Variants in BCHE observed in about 807,000 individuals in gnomAD.
The protein encoded by BCHE is butyrylcholinesterase.
Under a neutral mutation model 51.3 loss-of-function variants are expected in BCHE, and 48 were observed. The ratio of observed to expected loss-of-function variants is 0.94; its 90% CI spans 0.74 to 1.19. The LOEUF (loss-of-function observed/expected upper bound fraction) is 1.19, where lower values mean the gene tolerates loss of function less well. Among genes scored for constraint, BCHE ranks in the 50% most tolerant of loss-of-function variants. The probability of loss-of-function intolerance (pLI) is 0.00; values close to 1 mark genes in which losing one functional copy is unlikely to be tolerated. For synonymous variants in BCHE, 251 were observed against 238.0 expected, an observed-to-expected ratio of 1.05 and a Z score of -0.50; for missense variants, 847 against 708.2, an observed-to-expected ratio of 1.20 and a Z score of -2.23.
intron 2 of BCHE, among the ~76,000 whole-genome samples, chr3:165,795,014 G>C (rs555073283): frequency 1.3e-5 from 2 of 152,024 alleles, no homozygotes; most frequent in South Asian, 4.1e-4. Context: ...TGAAAAAAAT[G>C]GTTTTTGCAG....
At chr3:165,776,698 G>A (rs1213586777) in intron 3 of BCHE, among the ~76,000 whole-genome samples, 1 of 151,556 alleles carries the variant, frequency 6.6e-6, no homozygotes, top group Admixed American at 6.6e-5. Flanking sequence ...AACATTTTGT[G>A]TTTTGGACAC....
intron 2 of BCHE, among the ~76,000 whole-genome samples, chr3:165,821,587 A>G (rs147317075): frequency 1.9e-3 from 287 of 152,078 alleles, no homozygotes; most frequent in African/African-American, 6.7e-3. Flanking sequence ...TACATTAAAA[A>G]CATTAGAGAA....
intron 3 of BCHE, chr3:165,778,882 C>A: frequency 5.5e-6 from 1 of 183,160 alleles, no homozygotes; most frequent in South Asian, 1.1e-4. Context: ...GGAAAGATAA[C>A]CCATTTAAAA....
intron 2 of BCHE, among the ~76,000 whole-genome samples, chr3:165,821,197 G>A (rs1187425102): frequency 6.6e-6 from 1 of 151,692 alleles, no homozygotes; most frequent in Non-Finnish European, 1.5e-5. Flanking sequence ...GAATTGTATT[G>A]TGGTAAAGTT....
At chr3:165,794,906 T>C (rs1713311394) in intron 2 of BCHE, among the ~76,000 whole-genome samples, 1 of 152,116 alleles carries the variant, frequency 6.6e-6, no homozygotes, top group Non-Finnish European at 1.5e-5. Context: ...CAATGCCAAA[T>C]TATATAAATT....
At chr3:165,798,987 T>C (rs1221016088) in intron 2 of BCHE, among the ~76,000 whole-genome samples, 1 of 152,170 alleles carries the variant, frequency 6.6e-6, no homozygotes, top group Non-Finnish European at 1.5e-5. Flanking sequence ...ATAATACAGT[T>C]TTTAGGATAA....
At chr3:165,773,703 A>T (rs2108191790) in intron 3 of BCHE, among the ~76,000 whole-genome samples, 197 bp from the exon 4 acceptor site, 1 of 152,144 alleles carries the variant, frequency 6.6e-6, no homozygotes, top group African/African-American at 2.4e-5. Context: ...TTATGTGAAA[A>T]TGCAAATAAT....
intron 2 of BCHE, among the ~76,000 whole-genome samples, chr3:165,809,404 GTT>G (rs201788993): frequency 1.3e-5 from 2 of 151,600 alleles, no homozygotes; most frequent in South Asian, 4.2e-4. Flanking sequence ...ATGTTCATGT[GTT>G]TTTTTTGTAT....
At chr3:165,781,079 T>A (rs1712680683) in intron 3 of BCHE, among the ~76,000 whole-genome samples, 1 of 151,900 alleles carries the variant, frequency 6.6e-6, no homozygotes, top group Non-Finnish European at 1.5e-5. Flanking sequence ...CTGTCTATAC[T>A]AAAAATACAA....
chr3:165,807,789 C>G (rs1713924022), intron 2 of BCHE, among the ~76,000 whole-genome samples: 1 of 151,724 alleles, frequency 6.6e-6, no homozygotes, highest in African/African-American at 2.4e-5. Context: ...GTGTTGAACT[C>G]CTGACCTCAA....
intron 2 of BCHE, among the ~76,000 whole-genome samples, chr3:165,807,686 C>T (rs1422488174): frequency 2.0e-5 from 3 of 151,812 alleles, no homozygotes; most frequent in Admixed American, 6.6e-5. Flanking sequence ...TCCAGAGTAC[C>T]TGGGACTACA....
intron 3 of BCHE, chr3:165,778,887 T>G (rs553746070): frequency 4.2e-4 from 75 of 177,632 alleles, no homozygotes; most frequent in Non-Finnish European, 7.9e-4. Flanking sequence ...GATAACCCAT[T>G]TAAAACCACC....
chr3:165,780,932 A>C (rs1383152337), intron 3 of BCHE, among the ~76,000 whole-genome samples: 1 of 152,114 alleles, frequency 6.6e-6, no homozygotes, highest in African/African-American at 2.4e-5. Flanking sequence ...AAGGAATATA[A>C]ATTATGCAAC....
At chr3:165,808,881 C>A (rs1246397913) in intron 2 of BCHE, among the ~76,000 whole-genome samples, 1 of 152,128 alleles carries the variant, frequency 6.6e-6, no homozygotes, top group African/African-American at 2.4e-5. Flanking sequence ...CCATTCATAT[C>A]TACAAAACAC....
At chr3:165,821,810 T>C (rs1714531162) in intron 2 of BCHE, among the ~76,000 whole-genome samples, 1 of 151,900 alleles carries the variant, frequency 6.6e-6, no homozygotes. Flanking sequence ...TAAAATACCT[T>C]GTGTATTAAC....
chr3:165,774,971 G>T (rs1051012731), intron 3 of BCHE, among the ~76,000 whole-genome samples: 14 of 151,794 alleles, frequency 9.2e-5, no homozygotes, highest in African/African-American at 3.4e-4. Context: ...GGCATAATAA[G>T]CAATATATAT....
chr3:165,803,611 G>C (rs1242620376), intron 2 of BCHE, among the ~76,000 whole-genome samples: 1 of 152,028 alleles, frequency 6.6e-6, no homozygotes, highest in South Asian at 2.1e-4. Flanking sequence ...CTCTTAAAGA[G>C]AATTCTGGTT....
At chr3:165,835,569 T>C (rs888186786) in intron 1 of BCHE, among the ~76,000 whole-genome samples, 1 of 151,858 alleles carries the variant, frequency 6.6e-6, no homozygotes, top group Admixed American at 6.6e-5. Flanking sequence ...TTTGAAGAAA[T>C]TGGAACAACG....
At chr3:165,823,678 C>T (rs537248211) in intron 2 of BCHE, among the ~76,000 whole-genome samples, 12 of 151,936 alleles carry the variant, frequency 7.9e-5, no homozygotes, top group African/African-American at 1.7e-4. Context: ...GTTTCATTGA[C>T]GAAATATGTT....
Sources: gnomAD v4.1 joint callset for allele counts (sites outside exome capture counted in the v4.1 genomes callset) on GRCh38, gnomAD v4.1.1 for gene constraint, MANE v1.5 for transcripts, NCBI Gene and HGNC (gene_info 2026-07-23, HGNC 2026-07-21) for gene names.